The following GRIP1 variants were observed in gnomAD, a reference collection of about 807,000 sequenced individuals.
The protein encoded by GRIP1 is glutamate receptor-interacting protein 1.
Under a neutral mutation model 129.9 loss-of-function variants are expected in GRIP1, and 45 were observed. That is an observed-to-expected ratio of 0.35 (90% CI 0.27 to 0.44). The LOEUF is 0.44. GRIP1 is among the 20% of genes least tolerant of loss of function. The pLI, the probability that GRIP1 is intolerant of heterozygous loss-of-function variation, is 1.00. For synonymous variants in GRIP1, 530 were observed against 520.8 expected (o/e 1.02, Z -0.24); for missense variants, 1,196 against 1,396.8 (o/e 0.86, Z 2.29).
In GRIP1 at chr12:66,641,934, T is replaced by A. The variant is rs148076077; in HGVS notation, c.55+36916A>T. On this transcript the variant is annotated intron_variant, in intron 1 of 24. Coordinates refer to ENST00000359742, the MANE Select transcript of GRIP1 (RefSeq NM_001366722.1). Reference sequence around the variant, plus strand: ...AGCCATACTGCCAATAGAAAGGGTATCCTGAATGGAAAAAATAAAGATCAT... The same window carrying A: ...AGCCATACTGCCAATAGAAAGGGTAACCTGAATGGAAAAAATAAAGATCAT... Among the ~76,000 whole-genome samples, 36 of 152,318 alleles carry A rather than the reference T, an allele frequency of 2.4e-4. No individual in the cohort carries two copies. In the East Asian group the frequency reaches 6.8e-3, roughly 29 times the overall value.
At chr12:66,589,013 TAAATA>T (rs1229686551) in intron 2 of GRIP1, among the ~76,000 whole-genome samples, 2 of 150,598 alleles carry the variant, frequency 1.3e-5, no homozygotes, top group South Asian at 2.1e-4. Flanking sequence ...AATAAATAAA[TAAATA>T]AAAGAACTTC....
At chr12:66,697,617 G>T (rs889383301) in intron 1 of GRIP1, among the ~76,000 whole-genome samples, 1 of 152,128 alleles carries the variant, frequency 6.6e-6, no homozygotes, top group African/African-American at 2.4e-5. Context: ...TTTTGGTTTT[G>T]TGGTGAAGGG....
chr12:66,760,627 AGT>A lies in GRIP1; in HGVS notation c.-420+43424_-420+43425del, dbSNP rs1300548979. On this transcript the variant is annotated intron_variant, in intron 1 of 4. Transcript: ENST00000538373. ...ACCTTCCTGTGGGTTCCTCCCACAA[AGT>A]GTGGGAATTCTGGGAGATACAATTC... Among the ~76,000 whole-genome samples the A allele has an allele frequency of 2.6e-5, 4 of 152,292 alleles. No individual in the cohort carries two copies. The East Asian group carries it at 7.7e-4, about 29-fold the overall frequency.
At chr12:66,423,544 G>A (rs1035819536) in intron 14 of GRIP1, among the ~76,000 whole-genome samples, 1 of 152,176 alleles carries the variant, frequency 6.6e-6, no homozygotes, top group East Asian at 1.9e-4. Context: ...TTCACTGAGT[G>A]CTTGGAATTT....
In GRIP1 at chr12:66,907,691, C is replaced by T. The variant is rs529268554; in HGVS notation, c.58+161359G>A. On this transcript the variant is annotated intron_variant, in intron 1 of 1. Coordinates refer to the GRIP1 transcript ENST00000643019. Reference sequence around the variant, plus strand: ...TTCAAATGCTGTACCAATGAGATGACGATAGAAGGGGGTAGTGTGAAGAAA... The same window carrying T: ...TTCAAATGCTGTACCAATGAGATGATGATAGAAGGGGGTAGTGTGAAGAAA... Among the ~76,000 whole-genome samples, 45 of 151,732 alleles carry T rather than the reference C, an allele frequency of 3.0e-4. No individual in the cohort carries two copies. In the South Asian group the frequency reaches 8.1e-3, roughly 27 times the overall value.
chr12:66,993,651 C>G (rs2042425886), intron 1 of GRIP1, among the ~76,000 whole-genome samples: 1 of 151,718 alleles, frequency 6.6e-6, no homozygotes, highest in Admixed American at 6.6e-5. Flanking sequence ...ATTAGCTGGG[C>G]ATAGTGGTGC....
At chr12:66,675,239 T>C (rs1481337517) in intron 1 of GRIP1, among the ~76,000 whole-genome samples, 1 of 152,134 alleles carries the variant, frequency 6.6e-6, no homozygotes, top group African/African-American at 2.4e-5. Flanking sequence ...CCCAGAGCCG[T>C]GCTCCCTGTG....
At chr12:66,687,084 GACAAAA>G (rs1276331795) in intron 1 of GRIP1, among the ~76,000 whole-genome samples, 4 of 151,782 alleles carry the variant, frequency 2.6e-5, no homozygotes, top group African/African-American at 2.4e-5. Flanking sequence ...AAAACAAACA[GACAAAA>G]ACAAAAACAA....
At chr12:67,016,096 T>A (rs191048275) in intron 1 of GRIP1, among the ~76,000 whole-genome samples, 12 of 152,340 alleles carry the variant, frequency 7.9e-5, no homozygotes, top group Admixed American at 2.6e-4. Context: ...GCAGTAGTTT[T>A]AGCTGTCTAT....
intron 4 of GRIP1, among the ~76,000 whole-genome samples, chr12:66,536,502 G>A (rs1565838707): frequency 6.6e-6 from 1 of 151,984 alleles, no homozygotes; most frequent in Non-Finnish European, 1.5e-5. Flanking sequence ...TTTGGTCTTA[G>A]CAATGACTGT....
intron 1 of GRIP1, among the ~76,000 whole-genome samples, chr12:66,856,802 G>C (rs1364351810): frequency 2.0e-5 from 3 of 151,922 alleles, no homozygotes; most frequent in African/African-American, 7.3e-5. Flanking sequence ...AACCATTGTG[G>C]AAGTCAGTGT....
chr12:66,510,141 CAT>C (rs2060654568), intron 7 of GRIP1, among the ~76,000 whole-genome samples: 1 of 152,180 alleles, frequency 6.6e-6, no homozygotes, highest in Non-Finnish European at 1.5e-5. Context: ...CCAAGCACCA[CAT>C]ATGCATTAAC....
chr12:66,719,980 A>G (rs2136440435), intron 1 of GRIP1, among the ~76,000 whole-genome samples: 1 of 152,314 alleles, frequency 6.6e-6, no homozygotes, highest in Middle Eastern at 3.4e-3. Context: ...ATGTAGAGAA[A>G]GTTAAAATTA....
chr12:66,605,528 G>A lies in GRIP1; in HGVS notation c.56-8601C>T, dbSNP rs565786378. Among the ~76,000 whole-genome samples, 21 of 152,306 alleles carry A rather than the reference G, an allele frequency of 1.4e-4. No homozygotes were observed. The South Asian group carries it at 2.3e-3, about 17-fold the overall frequency. On this transcript the variant is annotated intron_variant, in intron 1 of 24. Transcript: ENST00000359742. ...CTAAATCTTGTGCCAGTGTGTGAAT[G>A]AGCACTGATGTCTAGGAAAATGATC...
chr12:66,723,770 T>C (rs1488847762), intron 1 of GRIP1, among the ~76,000 whole-genome samples: 3 of 151,992 alleles, frequency 2.0e-5, no homozygotes, highest in Non-Finnish European at 4.4e-5. Context: ...GCAGGACAAA[T>C]ACAGAATTAA....
chr12:66,947,704 T>C (rs2041694151), intron 1 of GRIP1, among the ~76,000 whole-genome samples: 1 of 152,166 alleles, frequency 6.6e-6, no homozygotes, highest in South Asian at 2.1e-4. Context: ...GAACAAGAAT[T>C]CTAACCAAAA....
At position 66,835,083 on chromosome 12, in the gene GRIP1, A is replaced by G. The variant is rs375901980; in HGVS notation, c.58+233967T>C. Among the ~76,000 whole-genome samples the G allele has an allele frequency of 3.3e-5, 5 of 152,174 alleles. No homozygotes were observed. In the East Asian group the frequency reaches 9.6e-4, roughly 29 times the overall value. ...AATATTTGCAAAAGACATATCTAATAAAGGATTGTTATCTAAAACATATAA... is the reference window on the plus strand; with the variant it reads ...AATATTTGCAAAAGACATATCTAATGAAGGATTGTTATCTAAAACATATAA... On this transcript the variant is annotated intron_variant, in intron 1 of 1. Coordinates refer to the GRIP1 transcript ENST00000643019.
intron 2 of GRIP1, among the ~76,000 whole-genome samples, chr12:66,557,133 G>T (rs1180023489): frequency 6.6e-6 from 1 of 151,982 alleles, no homozygotes; most frequent in Non-Finnish European, 1.5e-5. Flanking sequence ...GATGGAAAAA[G>T]ACATCCTATG....
In GRIP1 at chr12:66,958,865, G is replaced by C. The variant is rs1487504954; in HGVS notation, c.58+110185C>G. 2.0e-5 allele frequency among the ~76,000 whole-genome samples: 3 copies of C among 152,060 alleles called. No homozygotes were observed. In the South Asian group the frequency reaches 6.2e-4, roughly 32 times the overall value. ...GTTTAGGGCTTTTGATGCATATTAC[G>C]AAAGGGGCTTCCAGAGTCCCATCCG... On this transcript the variant is annotated intron_variant, in intron 1 of 1. Coordinates refer to the GRIP1 transcript ENST00000643019.
Sources: gnomAD v4.1 joint callset for allele counts (sites outside exome capture counted in the v4.1 genomes callset) on GRCh38, gnomAD v4.1.1 for gene constraint, MANE v1.5 for transcripts, NCBI Gene and HGNC (gene_info 2026-07-23, HGNC 2026-07-21) for gene names.